FRMD4A: variants seen among roughly 807,000 people sequenced by gnomAD.
FRMD4A encodes FERM domain-containing protein 4A.
In FRMD4A, 29 loss-of-function variants were observed where a neutral mutation model predicts 129.1. That is an observed-to-expected ratio of 0.22 (90% confidence interval 0.17 to 0.31). The LOEUF (loss-of-function observed/expected upper bound fraction) is 0.31. Among genes scored for constraint, FRMD4A ranks in the 10% least tolerant of loss-of-function variants. The pLI is 1.00. For synonymous variants in FRMD4A, 634 were observed against 571.6 expected, an observed-to-expected ratio of 1.11 and a Z score of -1.56; for missense variants, 1,272 against 1,375.8, an observed-to-expected ratio of 0.92 and a Z score of 1.19.
intron 6 of FRMD4A, among the ~76,000 whole-genome samples, chr10:13,776,764 A>G (rs1227581162): frequency 2.0e-5 from 3 of 152,198 alleles, no homozygotes; most frequent in African/African-American, 7.2e-5. Flanking sequence ...GGGAGCAGAT[A>G]CTAAACCTAC....
At chr10:13,763,330 G>A (rs1255149037) in intron 6 of FRMD4A, among the ~76,000 whole-genome samples, 1 of 152,158 alleles carries the variant, frequency 6.6e-6, no homozygotes, top group African/African-American at 2.4e-5. Flanking sequence ...TATAAAGAAA[G>A]GCTTTCTTGA....
chr10:14,185,514 A>T (rs1283909082), intron 2 of FRMD4A, among the ~76,000 whole-genome samples: 2 of 152,108 alleles, frequency 1.3e-5, no homozygotes, highest in African/African-American at 4.8e-5. Flanking sequence ...TATTTTTTGG[A>T]GGTTTGTTGT....
chr10:14,159,541 C>A (rs1490868420), intron 2 of FRMD4A, among the ~76,000 whole-genome samples: 1 of 152,122 alleles, frequency 6.6e-6, no homozygotes, highest in Non-Finnish European at 1.5e-5. Context: ...TTAAAATAAT[C>A]ATGATGCTAC....
intron 2 of FRMD4A, among the ~76,000 whole-genome samples, chr10:14,274,982 C>T (rs1052422253): frequency 1.3e-5 from 2 of 152,224 alleles, no homozygotes; most frequent in Non-Finnish European, 2.9e-5. Context: ...AGGTTGACTT[C>T]TGTCTCTCCC....
chr10:13,785,863 C>T (rs1004063000), intron 5 of FRMD4A, among the ~76,000 whole-genome samples: 8 of 148,378 alleles, frequency 5.4e-5, no homozygotes, highest in Non-Finnish European at 1.0e-4. Context: ...TGAGTAAGAA[C>T]ATGTGGTGTT....
intron 2 of FRMD4A, among the ~76,000 whole-genome samples, chr10:14,000,602 A>G (rs2095638416): frequency 7.7e-6 from 1 of 130,404 alleles, no homozygotes; most frequent in South Asian, 2.7e-4. Context: ...AGCTAAAATC[A>G]TGCCACTGCA....
chr10:14,058,166 C>T (rs1388815951), intron 2 of FRMD4A, among the ~76,000 whole-genome samples: 1 of 152,098 alleles, frequency 6.6e-6, no homozygotes, highest in Non-Finnish European at 1.5e-5. Flanking sequence ...TGATAGTCCC[C>T]AAATGCTAGC....
rs575952194 is a variant in FRMD4A, at chr10:14,228,994, A to G, written c.45+101064T>C. On this transcript the variant is annotated intron_variant, in intron 2 of 24. Transcript: ENST00000357447. ...AGCATTAAAATATGCCCCACGGTCT[A>G]ACACGAGCCCTGCTGGAATGACCTG... Among the ~76,000 whole-genome samples the G allele has an allele frequency of 1.5e-4, 23 of 152,298 alleles. 1 individual carries two copies. The South Asian group carries it at 4.6e-3, about 30-fold the overall frequency.
Position 14,212,698 on chromosome 10 carries a change from T to A in FRMD4A, c.45+117360A>T, listed in dbSNP as rs1379027245. On this transcript the variant is annotated intron_variant, in intron 2 of 24. Coordinates refer to ENST00000357447, the MANE Select transcript of FRMD4A (RefSeq NM_018027.5). ...GTTTTTAGGGAAGGGATTTCAAAAT[T>A]TGGAAACTGTAAGTACCTTAATGCC... Among the ~76,000 whole-genome samples, 5 of 152,354 alleles carry A rather than the reference T, an allele frequency of 3.3e-5. 1 individual carries two copies. Among genetic ancestry groups the A allele is most frequent in the African/African-American group, 1.2e-4 (5 of 41,586 alleles).
At chr10:14,089,630 C>CAAAAAAAAAAAAAAAAAAAAAAAA (rs59553317) in intron 2 of FRMD4A, among the ~76,000 whole-genome samples, 2 of 130,800 alleles carry the variant, frequency 1.5e-5, no homozygotes, top group South Asian at 2.4e-4. Context: ...AAAAAAAAAA[C>CAAAAAAAAAAAAAAAAAAAAAAAA]AAAAAAAAAC....
chr10:13,772,201 AAATATT>A (rs2092477845), intron 6 of FRMD4A, among the ~76,000 whole-genome samples: 3 of 131,798 alleles, frequency 2.3e-5, no homozygotes, highest in Non-Finnish European at 5.0e-5. Flanking sequence ...ATATAATAAT[AAATATT>A]TATTTATTAT....
intron 2 of FRMD4A, among the ~76,000 whole-genome samples, chr10:14,022,580 G>A (rs888747615): frequency 2.6e-5 from 4 of 152,180 alleles, no homozygotes; most frequent in Admixed American, 1.3e-4. Flanking sequence ...GCTACAGAGG[G>A]CAGGCAAATG....
At chr10:13,810,756 G>C in intron 4 of FRMD4A, 58 bp downstream of exon 4, 1 of 902,568 alleles carries the variant, frequency 1.1e-6, no homozygotes, top group Admixed American at 2.0e-5. Flanking sequence ...GAGTGGAGCA[G>C]TTTCGGGTTC....
intron 22 of FRMD4A, chr10:13,655,265 C>A (rs973565643): frequency 4.6e-5 from 7 of 152,212 alleles, no homozygotes; most frequent in Non-Finnish European, 8.8e-5. Context: ...AAAAGATCTA[C>A]CTCATCTCTT....
chr10:13,661,796 C>G lies in FRMD4A; in HGVS notation c.1661-1243G>C, dbSNP rs1032953940. Among the ~76,000 whole-genome samples, 4 of 152,048 alleles carry G rather than the reference C, an allele frequency of 2.6e-5. No individual in the cohort carries two copies. In the East Asian group the frequency reaches 7.7e-4, roughly 29 times the overall value. On this transcript the variant is annotated intron_variant, in intron 19 of 24. Coordinates refer to ENST00000357447, the MANE Select transcript of FRMD4A (RefSeq NM_018027.5). ...ACATGGGAGGTGGAGGGGAAAAAAGCACAGAAGCAAACCTTACAACCAACC... is the reference window on the plus strand; with the variant it reads ...ACATGGGAGGTGGAGGGGAAAAAAGGACAGAAGCAAACCTTACAACCAACC...
intron 3 of FRMD4A, among the ~76,000 whole-genome samples, chr10:13,849,280 C>A (rs1428597217): frequency 6.6e-6 from 1 of 152,214 alleles, no homozygotes; most frequent in Non-Finnish European, 1.5e-5. Context: ...GTGACAGAAA[C>A]TCCTGGTGGA....
intron 2 of FRMD4A, among the ~76,000 whole-genome samples, chr10:13,999,618 C>T (rs1423310197): frequency 1.3e-5 from 2 of 152,142 alleles, no homozygotes; most frequent in South Asian, 2.1e-4. Flanking sequence ...AAGCCTATAG[C>T]GTTTTTGAGA....
chr10:14,251,344 T>G (rs1844434175), intron 2 of FRMD4A, among the ~76,000 whole-genome samples: 1 of 152,174 alleles, frequency 6.6e-6, no homozygotes, highest in Non-Finnish European at 1.5e-5. Context: ...TGCTATGTCA[T>G]GAGGCACCTC....
chr10:14,209,805 T>C (rs564197321), intron 2 of FRMD4A, among the ~76,000 whole-genome samples: 1 of 151,498 alleles, frequency 6.6e-6, no homozygotes, highest in Non-Finnish European at 1.5e-5. Flanking sequence ...AGAGGACCAC[T>C]TGAACCCAGG....
Sources: gnomAD v4.1 joint callset for allele counts (sites outside exome capture counted in the v4.1 genomes callset) on GRCh38, gnomAD v4.1.1 for gene constraint, MANE v1.5 for transcripts, NCBI Gene and HGNC (gene_info 2026-07-23, HGNC 2026-07-21) for gene names.